Variants in TLK2 observed in about 807,000 individuals in gnomAD.
TLK2 encodes the protein serine/threonine-protein kinase tousled-like 2.
In TLK2, 6 loss-of-function variants were observed where a neutral mutation model predicts 117.3. That is an observed-to-expected ratio of 0.05 (90% CI 0.03 to 0.10). TLK2 has a LOEUF of 0.10. TLK2 is among the 10% of genes least tolerant of loss of function. The pLI, the probability that TLK2 is intolerant of heterozygous loss-of-function variation, is 1.00. For missense variants in TLK2, 299 were observed against 901.2 expected, an observed-to-expected ratio of 0.33 and a Z score of 8.56; for synonymous variants, 257 against 316.7, an observed-to-expected ratio of 0.81 and a Z score of 2.00.
At chr17:62,598,419 T>G (rs1391793330) in intron 17 of TLK2, among the ~76,000 whole-genome samples, 3 of 152,204 alleles carry the variant, frequency 2.0e-5, no homozygotes, top group African/African-American at 7.2e-5. Flanking sequence ...TATGATGAAT[T>G]TTCACCAAAA....
At chr17:62,604,077 T>C (rs2083078217) in intron 19 of TLK2, among the ~76,000 whole-genome samples, 1 of 152,006 alleles carries the variant, frequency 6.6e-6, no homozygotes, top group Admixed American at 6.6e-5. Context: ...TGATCTCAAC[T>C]CACTGCAGCC....
intron 10 of TLK2, among the ~76,000 whole-genome samples, chr17:62,564,374 A>G (rs774735130): frequency 3.3e-5 from 5 of 152,086 alleles, no homozygotes; most frequent in Non-Finnish European, 7.4e-5. Flanking sequence ...CGTCTCTACT[A>G]AAAATACAAA....
At chr17:62,547,470 C>CT (rs1332868102) in intron 7 of TLK2, among the ~76,000 whole-genome samples, 20 of 151,764 alleles carry the variant, frequency 1.3e-4, no homozygotes, top group Non-Finnish European at 8.8e-5. Flanking sequence ...ATTTTTTTCT[C>CT]TAACGGATCT....
chr17:62,578,034 C>T (rs531215408), intron 13 of TLK2, among the ~76,000 whole-genome samples: 20 of 152,148 alleles, frequency 1.3e-4, no homozygotes, highest in South Asian at 8.3e-4. Context: ...GTGACAACAG[C>T]GAAACTCCAT....
At chr17:62,495,720 A>G (rs1171079438) in intron 2 of TLK2, among the ~76,000 whole-genome samples, 1 of 150,058 alleles carries the variant, frequency 6.7e-6, no homozygotes, top group Admixed American at 6.7e-5. Context: ...GGGCAATGTC[A>G]TGATCTCGGC....
upstream of TLK2, among the ~76,000 whole-genome samples, chr17:62,475,876 T>C (rs761272724): frequency 2.1e-5 from 3 of 144,398 alleles, no homozygotes; most frequent in Non-Finnish European, 4.5e-5. Context: ...TAAGACAGGA[T>C]GGTCTCGACC....
intron 19 of TLK2, among the ~76,000 whole-genome samples, chr17:62,603,380 A>G (rs1170011972): frequency 6.6e-6 from 1 of 152,228 alleles, no homozygotes; most frequent in East Asian, 1.9e-4. Context: ...TGCATTTACA[A>G]TGTTTATTCA....
intron 13 of TLK2, among the ~76,000 whole-genome samples, chr17:62,577,939 C>T (rs191650641): frequency 7.2e-5 from 11 of 152,088 alleles, no homozygotes; most frequent in Admixed American, 3.3e-4. Flanking sequence ...CCCAGCTACT[C>T]GGGAGGCTGA....
chr17:62,576,966 C>CTTTTTTTTTTTT (rs59523807), intron 13 of TLK2, among the ~76,000 whole-genome samples, 191 bp downstream of exon 13: 1,772 of 115,668 alleles, frequency 0.015, 39 homozygotes, highest in African/African-American at 0.022. Flanking sequence ...CTTTCTTCTT[C>CTTTTTTTTTTTT]TTTTTTTTTT....
At position 62,484,498 on chromosome 17, in the gene TLK2, G is replaced by A. The variant is rs1208851605; in HGVS notation, c.81+3292G>A. ...TTTTTAGTAGAGATGGAGTTTCACC[G>A]TGTTGGCCAGGCTGGTCTCGAAATC... On this transcript the variant is annotated intron_variant, in intron 2 of 21. Transcript: ENST00000346027. Among the ~76,000 whole-genome samples, 24 of 150,652 alleles carry A rather than the reference G, an allele frequency of 1.6e-4. 1 individual carries two copies. The highest frequency in any genetic ancestry group is 5.1e-4 in the African/African-American group (21 of 41,036).
At chr17:62,500,162 T>TG (rs2074071522) in intron 2 of TLK2, among the ~76,000 whole-genome samples, 1 of 151,872 alleles carries the variant, frequency 6.6e-6, no homozygotes, top group Admixed American at 6.6e-5. Context: ...CTTAAACTCC[T>TG]GGGCTCAAGT....
At chr17:62,571,140 C>A (rs1176841666) in intron 11 of TLK2, among the ~76,000 whole-genome samples, 1 of 152,098 alleles carries the variant, frequency 6.6e-6, no homozygotes, top group Non-Finnish European at 1.5e-5. Context: ...TGTCTCAACC[C>A]AGATTTCTTT....
intron 12 of TLK2, chr17:62,574,411 G>A (rs758877344): frequency 9.2e-6 from 12 of 1,299,670 alleles, no homozygotes; most frequent in Non-Finnish European, 5.4e-6. Flanking sequence ...GTTTACTTAG[G>A]TGAGATGAAC....
chr17:62,542,767 GT>G (rs1325301426), intron 7 of TLK2, among the ~76,000 whole-genome samples: 2 of 152,188 alleles, frequency 1.3e-5, no homozygotes, highest in Non-Finnish European at 2.9e-5. Flanking sequence ...CAAGTCTGTT[GT>G]TTCCTTAAAA....
At chr17:62,492,256 G>A (rs1370262192) in intron 2 of TLK2, among the ~76,000 whole-genome samples, 3 of 152,060 alleles carry the variant, frequency 2.0e-5, no homozygotes, top group Admixed American at 2.0e-4. Context: ...GGGAACATGG[G>A]TTGCATACAA....
At chr17:62,482,960 C>T (rs1418487192) in intron 2 of TLK2, among the ~76,000 whole-genome samples, 2 of 152,114 alleles carry the variant, frequency 1.3e-5, no homozygotes, top group Non-Finnish European at 2.9e-5. Context: ...ATTTCTTTGG[C>T]CACTTAAACA....
intron 7 of TLK2, among the ~76,000 whole-genome samples, chr17:62,539,495 A>G (rs1038527876): frequency 6.2e-5 from 8 of 130,000 alleles, no homozygotes; most frequent in East Asian, 2.2e-4. Context: ...TTTTTTTTCA[A>G]TTGAGACAGG....
intron 2 of TLK2, among the ~76,000 whole-genome samples, chr17:62,503,885 C>A (rs1413145945): frequency 6.6e-6 from 1 of 151,846 alleles, no homozygotes; most frequent in African/African-American, 2.4e-5. Flanking sequence ...TGTGCCACCA[C>A]CCCAGCTAAT....
intron 2 of TLK2, among the ~76,000 whole-genome samples, chr17:62,484,177 A>G (rs867047515): frequency 6.6e-6 from 1 of 152,018 alleles, no homozygotes; most frequent in Non-Finnish European, 1.5e-5. Flanking sequence ...ATTGATTACA[A>G]TGAATTTGTT....
Sources: gnomAD v4.1 joint callset for allele counts (sites outside exome capture counted in the v4.1 genomes callset) on GRCh38, gnomAD v4.1.1 for gene constraint, MANE v1.5 for transcripts, NCBI Gene and HGNC (gene_info 2026-07-23, HGNC 2026-07-21) for gene names.